Variants in ST6GALNAC6 observed in about 807,000 individuals in gnomAD.
ST6GALNAC6 encodes the protein ST6 N-acetylgalactosaminide alpha-2,6-sialyltransferase 6, also known as alpha-N-acetylgalactosaminide alpha-2,6-sialyltransferase 6.
ST6GALNAC6 carries 19 observed loss-of-function variants against 34.3 expected under a neutral mutation model. That is an observed-to-expected ratio of 0.55 (90% CI 0.39 to 0.81). The LOEUF (loss-of-function observed/expected upper bound fraction) is 0.81. Among genes scored for constraint, ST6GALNAC6 ranks in the 40% least tolerant of loss-of-function variants. The pLI, the probability that ST6GALNAC6 is intolerant of heterozygous loss-of-function variation, is 0.00. For missense variants in ST6GALNAC6, 377 were observed against 467.7 expected (o/e 0.81, Z 1.79); for synonymous variants, 185 against 182.1 (o/e 1.02, Z -0.13).
chr9:127,888,135 C>T lies in ST6GALNAC6; in HGVS notation c.705-544G>A, dbSNP rs540354351. ...TATGGAAAAAAGAAGGGAGGCCAGG[C>T]GTGGTGGTTCATACCTGTAATCCCA... On this transcript the variant is annotated intron_variant, in intron 5 of 6. Coordinates refer to ENST00000373146, the MANE Select transcript of ST6GALNAC6 (RefSeq NM_013443.5). 7.0e-4 allele frequency among the ~76,000 whole-genome samples: 107 copies of T among 152,260 alleles called. 1 individual carries two copies. In the South Asian group the frequency reaches 0.018, roughly 26 times the overall value.
upstream of ST6GALNAC6, among the ~76,000 whole-genome samples, chr9:127,906,360 C>A (rs983031553): frequency 6.6e-6 from 1 of 152,252 alleles, no homozygotes; most frequent in Non-Finnish European, 1.5e-5. Flanking sequence ...AACCCCAGGG[C>A]TGCATCCCAG....
At position 127,899,496 on chromosome 9, in the gene ST6GALNAC6, T is replaced by C. The variant is rs531868261; in HGVS notation, c.-30+7A>G. 21,080 of 970,754 alleles carry C rather than the reference T, an allele frequency of 0.022. 298 individuals carry two copies. Among genetic ancestry groups the C allele is most frequent in the Non-Finnish European group, 0.024 (19,449 of 818,406 alleles). The allele number at this position is 970,754 out of a possible 1,614,324, so 60.1% of individuals were successfully genotyped here. ...CCGCGGCCTGCTCCCGCGCGGCGCC[T>C]GCTCACCTCCGGCGGGGAGCGCCCG... On this transcript the variant is annotated splice_region_variant and intron_variant, in intron 1 of 6. Coordinates refer to ENST00000373146, the MANE Select transcript of ST6GALNAC6 (RefSeq NM_013443.5).
At chr9:127,897,391 C>T (rs1830532202) in intron 2 of ST6GALNAC6, 4 of 986,408 alleles carry the variant, frequency 4.1e-6, no homozygotes, top group East Asian at 1.1e-4. Flanking sequence ...TACTCCTACA[C>T]GGCCACCAGG....
chr9:127,897,704 G>A (rs1047032704), intron 2 of ST6GALNAC6: 1 of 826,836 alleles, frequency 1.2e-6, no homozygotes, highest in Non-Finnish European at 1.8e-6. Context: ...AGAATCCTGG[G>A]GTGGCCCCAT....
rs954101897 is a variant in ST6GALNAC6 at position 127,890,494 on chromosome 9, C to T, written c.704+143G>A. On this transcript the variant is annotated intron_variant, in intron 5 of 6. Coordinates refer to ENST00000373146, the MANE Select transcript of ST6GALNAC6 (RefSeq NM_013443.5). The surrounding 1 kb of genome is among the most constrained non-coding windows in gnomAD (Gnocchi z 4.3). ...TGTGAACAGCTGGACATGAAGAGAA[C>T]TCTCCTAGGAGGCCCAACCAGAGGA... 7 of 1,186,068 alleles carry T rather than the reference C, an allele frequency of 5.9e-6. No individual in the cohort carries two copies. In the Admixed American group the frequency reaches 1.8e-4, roughly 31 times the overall value. 73.5% of individuals were successfully genotyped at this position (1,186,068 alleles called of 1,614,324 possible).
At chr9:127,900,541 C>T (rs1830711083), upstream of ST6GALNAC6, among the ~76,000 whole-genome samples, 2 of 82,470 alleles carry the variant, frequency 2.4e-5, no homozygotes, top group Admixed American at 4.3e-4. Context: ...GCCTGGGCAA[C>T]AAGAGCGAAA....
At chr9:127,892,495 G>A (rs1045666744) in intron 4 of ST6GALNAC6, among the ~76,000 whole-genome samples, 14 of 152,112 alleles carry the variant, frequency 9.2e-5, no homozygotes, top group African/African-American at 1.9e-4. Context: ...CCTTCTCTTC[G>A]TAGATGCATG....
intron 2 of ST6GALNAC6, 35 bp from the exon 3 acceptor site, chr9:127,896,367 G>A (rs896549010): frequency 1.3e-6 from 2 of 1,563,710 alleles, no homozygotes; most frequent in South Asian, 1.2e-5. Flanking sequence ...TATGGCTTCG[G>A]TCCTTTGGGT....
chr9:127,889,346 CAAAA>C (rs550479416), intron 5 of ST6GALNAC6, among the ~76,000 whole-genome samples: 5 of 123,664 alleles, frequency 4.0e-5, no homozygotes, highest in Admixed American at 8.1e-5. Context: ...GACTCCCTCT[CAAAA>C]AAAAAAAAAA....
At chr9:127,898,540 C>T (rs572141393) in intron 1 of ST6GALNAC6, among the ~76,000 whole-genome samples, 3 of 152,244 alleles carry the variant, frequency 2.0e-5, no homozygotes, top group Non-Finnish European at 2.9e-5. Flanking sequence ...AACACTCCTC[C>T]CCTGACCCCA....
intron 4 of ST6GALNAC6, among the ~76,000 whole-genome samples, chr9:127,894,029 G>C (rs562827528): frequency 6.6e-6 from 1 of 152,284 alleles, no homozygotes; most frequent in East Asian, 1.9e-4. Context: ...TGTGGCCTTA[G>C]ACATGTGACT....
chr9:127,886,294 TG>T lies in ST6GALNAC6; in HGVS notation c.*304del. ...CCTGGGGCTCTGAACCAAGGCCTCA[TG>T]GGAAAGGACATGTCCTTAGCCTCAG... On this transcript the variant is annotated 3_prime_UTR_variant, in exon 7 of 7. Transcript: ENST00000373146. 1.6e-6 allele frequency: 1 copy of T among 632,186 alleles called. No homozygotes were observed. Among genetic ancestry groups the T allele is most frequent in the Non-Finnish European group, 2.4e-6 (1 of 414,776 alleles). The allele number at this position is 632,186 out of a possible 1,614,324, so 39.2% of individuals were successfully genotyped here. A position where few individuals can be genotyped will look rare whatever the true frequency, so the allele number is the denominator to read the frequency against.
At chr9:127,902,190 G>T (rs966315613), upstream of ST6GALNAC6, among the ~76,000 whole-genome samples, 9 of 152,100 alleles carry the variant, frequency 5.9e-5, no homozygotes, top group African/African-American at 2.2e-4. Context: ...ATAAAGTCTC[G>T]CTCTGTCACC....
chr9:127,894,304 A>T (rs754107878), intron 4 of ST6GALNAC6, among the ~76,000 whole-genome samples: 44 of 152,168 alleles, frequency 2.9e-4, no homozygotes, highest in Non-Finnish European at 5.7e-4. Flanking sequence ...AGATGGTAGG[A>T]TATTAGCAAT....
chr9:127,890,730 C>T lies in ST6GALNAC6; in HGVS notation c.611G>A (p.Gly204Asp). ...GSLVRVIQRA[G>D]LVFPNMEAYA... ...TGCTTCCATGTTGGGGAACACCAGG[C>T]CCGCTCGCTGGATCACACGCACGAG... The change falls in exon 5 of 7, where the codon GGC becomes GAC. Residue 204 changes from glycine (G) to aspartate (D), a missense_variant. Transcript: ENST00000373146. This position sits in a 1 kb window ranked among gnomAD's most constrained non-coding sequence, Gnocchi z 4.3. 1 of 1,613,728 alleles carries T rather than the reference C, an allele frequency of 6.2e-7. No individual in the cohort carries two copies.
At chr9:127,891,316 A>G (rs973539042) in intron 4 of ST6GALNAC6, among the ~76,000 whole-genome samples, 1 of 152,174 alleles carries the variant, frequency 6.6e-6, no homozygotes, top group African/African-American at 2.4e-5. Flanking sequence ...AGGAAAAAAA[A>G]AGAAAATAGT....
At chr9:127,905,127 C>T in intron 1 of ST6GALNAC6, 1 of 812,476 alleles carries the variant, frequency 1.2e-6, no homozygotes, top group Non-Finnish European at 1.5e-6. Flanking sequence ...AGGGTATGAA[C>T]AGGAAAACAG....
chr9:127,886,454 C>T lies in ST6GALNAC6; in HGVS notation c.*145G>A, dbSNP rs1413895992. The T allele has an allele frequency of 6.9e-7, 1 of 1,450,006 alleles. No homozygotes were observed. The highest frequency in any genetic ancestry group is 1.5e-5 in the South Asian group (1 of 68,914). The allele number at this position is 1,450,006 out of a possible 1,614,324, so 89.8% of individuals were successfully genotyped here. Reference sequence around the variant, plus strand: ...AACAGATTCCCCAGGCCCTGATTGGCTGGAGGATACATCCTCCTCAAGGCC... The same window carrying T: ...AACAGATTCCCCAGGCCCTGATTGGTTGGAGGATACATCCTCCTCAAGGCC... On this transcript the variant is annotated 3_prime_UTR_variant, in exon 7 of 7. Transcript: ENST00000373146.
At chr9:127,900,991 CAAAAAAAAAAAAAAAAAA>C (rs56673204), upstream of ST6GALNAC6, among the ~76,000 whole-genome samples, 3 of 60,986 alleles carry the variant, frequency 4.9e-5, no homozygotes, top group Non-Finnish European at 8.5e-5. Flanking sequence ...AACTCCCTAT[CAAAAAAAAAAAAAAAAAA>C]AAAAAAAAAA....
Sources: allele counts gnomAD v4.1 joint callset (sites outside exome capture counted in the v4.1 genomes callset), GRCh38; gene constraint gnomAD v4.1.1; non-coding constraint Gnocchi (gnomAD v3.1); transcripts MANE v1.5; gene names NCBI Gene and HGNC (gene_info 2026-07-23, HGNC 2026-07-21).